The following CNOT10 variants were observed in gnomAD, a reference collection of about 807,000 sequenced individuals.
The protein encoded by CNOT10 is CCR4-NOT transcription complex subunit 10, also known as CCR4-NOT transcription complex, subunit 10.
Under a neutral mutation model 94.6 loss-of-function variants are expected in CNOT10, and 30 were observed. That is an observed-to-expected ratio of 0.32 (90% CI 0.24 to 0.43). CNOT10 has a LOEUF of 0.43. CNOT10 is among the 20% of genes least tolerant of loss of function. The pLI is 1.00. For missense variants in CNOT10, 759 were observed against 877.2 expected, an observed-to-expected ratio of 0.87 and a Z score of 1.70; for synonymous variants, 289 against 301.6, an observed-to-expected ratio of 0.96 and a Z score of 0.43.
Position 32,751,111 on chromosome 3 carries a change from T to A in CNOT10, c.1596-8347T>A, listed in dbSNP as rs191614557. 2.4e-3 allele frequency among the ~76,000 whole-genome samples: 357 copies of A among 151,620 alleles called. 1 individual carries two copies. Among genetic ancestry groups the A allele is most frequent in the African/African-American group, 7.9e-3 (326 of 41,310 alleles). ...ATACAAAATTTCAATGAAAAAAAAA[T>A]TTTTTTTGAGACAGGGTCTTGCTCT... is the stretch of plus-strand genomic sequence containing the variant. On this transcript the variant is annotated intron_variant, in intron 13 of 18. Transcript: ENST00000328834.
intron 13 of CNOT10, among the ~76,000 whole-genome samples, chr3:32,745,600 C>T (rs188220029): frequency 1.3e-5 from 2 of 152,330 alleles, no homozygotes; most frequent in South Asian, 2.1e-4. Context: ...AGCAGCTTTA[C>T]TCCTGGTAGA....
In CNOT10 at chr3:32,733,475, CTAT is replaced by C; in HGVS notation, c.1270_1272del (p.Ile424del). On this transcript the variant is annotated inframe_deletion, in exon 11 of 19. Coordinates refer to ENST00000328834, the MANE Select transcript of CNOT10 (RefSeq NM_015442.3). ...CCCAGCAAAAAAGGAATTGTACAGT[CTAT>C]TGTTGGTCAAGGCTATCATCGTAAA... The C allele has an allele frequency of 6.2e-7, 1 of 1,602,932 alleles. No individual in the cohort carries two copies. The highest frequency in any genetic ancestry group is 1.3e-5 in the African/African-American group (1 of 74,750).
intron 13 of CNOT10, among the ~76,000 whole-genome samples, chr3:32,745,475 T>TACTCAAAC (rs55661220): frequency 6.6e-6 from 1 of 152,098 alleles, no homozygotes; most frequent in South Asian, 2.1e-4. Context: ...AAGGATTGAA[T>TACTCAAAC]AAACATTCTG....
chr3:32,715,572 G>T (rs73059828), intron 5 of CNOT10, among the ~76,000 whole-genome samples: 21,287 of 152,182 alleles, frequency 0.14, 1,589 homozygotes, highest in South Asian at 0.19. Context: ...GAAGTGGGTA[G>T]ATCTGTTCTG....
At chr3:32,705,114 A>G (rs1697554656) in intron 3 of CNOT10, 142 bp downstream of exon 3, 1 of 643,000 alleles carries the variant, frequency 1.6e-6, no homozygotes, top group African/African-American at 1.9e-5. Flanking sequence ...ATTTCCGTAA[A>G]ATTATTATTC....
chr3:32,725,544 T>C lies in CNOT10; in HGVS notation c.957T>C (p.Ala319=), dbSNP rs775320677. The change falls in exon 9 of 19, where the codon GCT becomes GCC. Residue 319 remains alanine, a synonymous_variant. Coordinates refer to ENST00000328834, the MANE Select transcript of CNOT10 (RefSeq NM_015442.3). ...TGGGAATATTCTACTTTAAAAAGGC[T>C]CTGCAAGAGAATGACAATGTCTGTG... is the stretch of plus-strand genomic sequence containing the variant. ...HNLGIFYFKK[A]LQENDNVCAQ... The C allele has an allele frequency of 6.2e-7, 1 of 1,614,168 alleles. No homozygotes were observed. The highest frequency in any genetic ancestry group is 8.5e-7 in the Non-Finnish European group (1 of 1,179,980).
chr3:32,728,310 G>A (rs1157388613), intron 10 of CNOT10, among the ~76,000 whole-genome samples: 2 of 151,936 alleles, frequency 1.3e-5, no homozygotes, highest in African/African-American at 2.4e-5. Flanking sequence ...TAACCACTGG[G>A]GGAAATTAGT....
chr3:32,699,711 G>A (rs1373539518), intron 1 of CNOT10, among the ~76,000 whole-genome samples: 1 of 152,124 alleles, frequency 6.6e-6, no homozygotes, highest in East Asian at 1.9e-4. Context: ...ACCATACTGG[G>A]GGAGCATTCC....
chr3:32,711,658 A>G (rs1341267353), intron 4 of CNOT10, among the ~76,000 whole-genome samples: 1 of 152,212 alleles, frequency 6.6e-6, no homozygotes, highest in Non-Finnish European at 1.5e-5. Context: ...AATAAAGAAA[A>G]GACATTATCC....
chr3:32,767,401 C>G (rs1700688863), intron 17 of CNOT10, among the ~76,000 whole-genome samples: 1 of 151,826 alleles, frequency 6.6e-6, no homozygotes, highest in South Asian at 2.1e-4. Context: ...TGCCTGTAAC[C>G]CCAGATACTC....
chr3:32,734,700 T>C (rs1699101073), intron 11 of CNOT10, 100 bp from the exon 12 acceptor site: 6 of 1,018,394 alleles, frequency 5.9e-6, no homozygotes, highest in Non-Finnish European at 8.6e-6. Context: ...TCAAAAGGCA[T>C]AGCTTTCATT....
intron 13 of CNOT10, among the ~76,000 whole-genome samples, chr3:32,750,614 G>A (rs999781789): frequency 4.0e-5 from 6 of 150,818 alleles, no homozygotes; most frequent in South Asian, 2.1e-4. Flanking sequence ...GTGCACTGGC[G>A]CAATCTTGGC....
chr3:32,717,104 G>A, intron 6 of CNOT10, 50 bp from the exon 7 acceptor site: 1 of 1,055,072 alleles, frequency 9.5e-7, no homozygotes. Context: ...AAGTAAAACT[G>A]TATGTAAATC....
At chr3:32,761,309 G>C (rs1376968199) in intron 14 of CNOT10, among the ~76,000 whole-genome samples, 1 of 152,120 alleles carries the variant, frequency 6.6e-6, no homozygotes, top group African/African-American at 2.4e-5. Flanking sequence ...CCTTATCATT[G>C]CCCAACTCAA....
chr3:32,695,553 A>G, intron 1 of CNOT10: 4 of 1,523,696 alleles, frequency 2.6e-6, no homozygotes, highest in Non-Finnish European at 3.5e-6. Context: ...TTAACTGATG[A>G]TTTTCAGTTT....
At chr3:32,763,252 A>T (rs1700526413) in intron 15 of CNOT10, among the ~76,000 whole-genome samples, 1 of 152,112 alleles carries the variant, frequency 6.6e-6, no homozygotes. Flanking sequence ...CAGGAGGGTC[A>T]CTTGAGCCCA....
intron 9 of CNOT10, 85 bp from the exon 10 acceptor site, chr3:32,727,583 T>C (rs1209234739): frequency 5.7e-6 from 5 of 871,578 alleles, no homozygotes; most frequent in Non-Finnish European, 9.4e-6. Context: ...CATGGTAGTG[T>C]CTAAGTACTT....
chr3:32,762,541 G>A (rs1700498198), intron 14 of CNOT10, among the ~76,000 whole-genome samples, 192 bp from the exon 15 acceptor site: 2 of 152,084 alleles, frequency 1.3e-5, no homozygotes, highest in Admixed American at 1.3e-4. Flanking sequence ...GAAGTGTTGA[G>A]ATTAAAGGCA....
intron 13 of CNOT10, chr3:32,752,855 G>A (rs886470769): frequency 7.3e-6 from 2 of 274,096 alleles, no homozygotes; most frequent in Non-Finnish European, 1.4e-5. Flanking sequence ...GGGCAGTGGC[G>A]GAGGTGGTAA....
Sources: allele counts gnomAD v4.1 joint callset (sites outside exome capture counted in the v4.1 genomes callset), GRCh38; gene constraint gnomAD v4.1.1; transcripts MANE v1.5; gene names NCBI Gene and HGNC (gene_info 2026-07-23, HGNC 2026-07-21).